WDR35: variants seen among roughly 807,000 people sequenced by gnomAD.
WDR35 encodes the protein WD repeat domain 35.
In WDR35, 118 loss-of-function variants were observed where a neutral mutation model predicts 158.3. The observed-to-expected ratio is 0.75, with a 90% CI of 0.64 to 0.87. The LOEUF (loss-of-function observed/expected upper bound fraction) is 0.87, where lower values mean the gene tolerates loss of function less well. WDR35 is among the 40% of genes least tolerant of loss of function. The pLI is 0.00. For missense variants in WDR35, 1,263 were observed against 1,405.8 expected (o/e 0.90, Z 1.62); for synonymous variants, 448 against 476.1 (o/e 0.94, Z 0.77).
In WDR35 at chr2:19,914,061, G is replaced by A; in HGVS notation, c.3338C>T (p.Pro1113Leu). The change falls in exon 26 of 27, where the codon CCT becomes CTT. Residue 1113 changes from proline (P) to leucine (L), a missense_variant. Transcript: ENST00000281405. The stretch of plus-strand genomic sequence containing the variant: ...CCCTTCCATAAGGCTGTCCAATTCA[G>A]GTTTTCTGTTATCTTTTGAAGTATG... ...TKHTSKDNRK[P>L]ELDSLMEGGE... 4.3e-6 allele frequency: 7 copies of A among 1,614,054 alleles called. No individual in the cohort carries two copies. The highest frequency in any genetic ancestry group is 5.9e-6 in the Non-Finnish European group (7 of 1,179,980).
At chr2:19,962,184 C>T in intron 10 of WDR35, 1 of 1,134,180 alleles carries the variant, frequency 8.8e-7, no homozygotes, top group African/African-American at 1.6e-5. Flanking sequence ...TTCCATTTTT[C>T]CATGAACCTT....
chr2:19,968,448 A>G (rs1402511918), intron 9 of WDR35, among the ~76,000 whole-genome samples: 1 of 152,210 alleles, frequency 6.6e-6, no homozygotes, highest in Non-Finnish European at 1.5e-5. Context: ...TTATTTATTT[A>G]TTCAAATAAT....
intron 8 of WDR35, among the ~76,000 whole-genome samples, chr2:19,969,845 T>C (rs1671980810): frequency 6.6e-6 from 1 of 151,924 alleles, no homozygotes; most frequent in African/African-American, 2.4e-5. Flanking sequence ...CCTCCCAGGT[T>C]CACGCCATTC....
Position 19,938,388 on chromosome 2 carries a change from G to A in WDR35, c.1940C>T (p.Pro647Leu). 1 of 1,613,766 alleles carries A rather than the reference G, an allele frequency of 6.2e-7. No individual in the cohort carries two copies. Among genetic ancestry groups the A allele is most frequent in the South Asian group, 1.1e-5 (1 of 91,050 alleles). Residue 647 changes from proline (P) to leucine (L), a missense_variant, in exon 18 of 27, where the codon CCA becomes CTA. Transcript: ENST00000281405. ...LDEILKDPEH[P>L]NKDYLINFEI... is the part of the protein sequence containing the mutation. ...AAAGTTAATTAGGTAATCCTTGTTT[G>A]GATGTTCTGGATCCTAAAAGTAAAG...
At chr2:19,985,425 A>C (rs187310469) in intron 2 of WDR35, among the ~76,000 whole-genome samples, 19 of 138,758 alleles carry the variant, frequency 1.4e-4, no homozygotes, top group African/African-American at 2.4e-4. Context: ...ACCCTACCAC[A>C]AGCAGCTCCA....
intron 25 of WDR35, among the ~76,000 whole-genome samples, chr2:19,920,325 T>G (rs1216804762): frequency 6.6e-6 from 1 of 151,786 alleles, no homozygotes; most frequent in Non-Finnish European, 1.5e-5. Flanking sequence ...TATGAGAAAA[T>G]CCTCAATAAA....
rs942610588 is a variant in WDR35 at position 19,941,696 on chromosome 2, C to T, written c.1926+63G>A. 2.4e-5 allele frequency: 29 copies of T among 1,229,042 alleles called. No individual in the cohort carries two copies. In the African/African-American group the frequency reaches 2.8e-4, roughly 12 times the overall value. The allele number at this position is 1,229,042 out of a possible 1,614,324, so 76.1% of individuals were successfully genotyped here. A position where few individuals can be genotyped will look rare whatever the true frequency, so the allele number is the denominator to read the frequency against. ...CACACTGCTAACCAGGATACTACAC[C>T]GCCTGGTCCAGAAATAATCCCCTGT... On this transcript the variant is annotated intron_variant, in intron 17 of 26. Coordinates refer to ENST00000281405, the MANE Select transcript of WDR35 (RefSeq NM_020779.4).
At chr2:19,987,761 T>C (rs1672614428) in intron 2 of WDR35, among the ~76,000 whole-genome samples, 1 of 147,660 alleles carries the variant, frequency 6.8e-6, no homozygotes, top group Non-Finnish European at 1.5e-5. Flanking sequence ...GAGGCGGAGC[T>C]TGCAATGAGC....
chr2:19,935,245 GATC>G, intron 21 of WDR35: 1 of 387,120 alleles, frequency 2.6e-6, no homozygotes, highest in Non-Finnish European at 4.5e-6. Context: ...ACAAGACTGT[GATC>G]ATATTAAAGT....
intron 24 of WDR35, 32 bp downstream of exon 24, chr2:19,931,237 A>G (rs373090938): frequency 6.7e-5 from 108 of 1,607,884 alleles, no homozygotes; most frequent in Non-Finnish European, 7.7e-5. Flanking sequence ...AACACTTCCA[A>G]TGATGTAATG....
intron 15 of WDR35, 24 bp downstream of exon 15, chr2:19,946,437 C>T (rs376875435): frequency 7.0e-6 from 11 of 1,575,958 alleles, no homozygotes; most frequent in African/African-American, 6.8e-5. Context: ...CTAACATCTA[C>T]ATGAGCAGAG....
rs74385826 is a variant in WDR35, at chr2:19,966,865, A to G, written c.1053T>C (p.Pro351=). ...SNTVVYAYTR[P]DRPEYCVVFW... ...AGACAACACAATATTCTGGACGATC[A>G]GGTCTGGTATATGCATAAACTACAG... Residue 351 remains proline, a synonymous_variant, in exon 10 of 27, where the codon CCT becomes CCC. Coordinates refer to ENST00000281405, the MANE Select transcript of WDR35 (RefSeq NM_020779.4). 8.9e-5 allele frequency: 143 copies of G among 1,613,946 alleles called. No homozygotes were observed. The East Asian group carries it at 2.8e-3, about 32-fold the overall frequency.
At chr2:19,917,279 A>G (rs1413208257) in intron 25 of WDR35, among the ~76,000 whole-genome samples, 4 of 152,230 alleles carry the variant, frequency 2.6e-5, no homozygotes, top group Non-Finnish European at 5.9e-5. Context: ...ATCCATGAAG[A>G]TGGGGAGAAA....
chr2:19,949,344 G>C (rs188801872), intron 13 of WDR35, among the ~76,000 whole-genome samples: 1 of 152,260 alleles, frequency 6.6e-6, no homozygotes, highest in African/African-American at 2.4e-5. Flanking sequence ...CTTACAGAAA[G>C]CTTGTAATTG....
At chr2:19,920,103 A>G (rs1670123459) in intron 25 of WDR35, among the ~76,000 whole-genome samples, 1 of 152,212 alleles carries the variant, frequency 6.6e-6, no homozygotes, top group Non-Finnish European at 1.5e-5. Context: ...CCACCAACCA[A>G]AAAAAGTCCA....
At chr2:19,929,885 T>G (rs1378300593) in intron 25 of WDR35, among the ~76,000 whole-genome samples, 2 of 152,216 alleles carry the variant, frequency 1.3e-5, no homozygotes, top group East Asian at 3.9e-4. Flanking sequence ...TAGCTAAGTA[T>G]CACTTTTATA....
intron 25 of WDR35, among the ~76,000 whole-genome samples, chr2:19,922,827 C>T (rs1670219393): frequency 6.6e-6 from 1 of 152,180 alleles, no homozygotes; most frequent in Admixed American, 6.5e-5. Flanking sequence ...AGCACTGTGA[C>T]AGGTTCATGA....
chr2:19,976,747 C>G (rs1308844904), intron 5 of WDR35, among the ~76,000 whole-genome samples: 1 of 150,774 alleles, frequency 6.6e-6, no homozygotes, highest in African/African-American at 2.4e-5. Context: ...TGCCATTAGC[C>G]CATATACTCC....
At chr2:19,960,800 A>C (rs1384927600) in intron 10 of WDR35, among the ~76,000 whole-genome samples, 186 bp from the exon 11 acceptor site, 1 of 152,228 alleles carries the variant, frequency 6.6e-6, no homozygotes, top group Non-Finnish European at 1.5e-5. Flanking sequence ...ATATAAAGAA[A>C]GATCAGTTAA....
Sources: gnomAD v4.1 joint callset for allele counts (sites outside exome capture counted in the v4.1 genomes callset) on GRCh38, gnomAD v4.1.1 for gene constraint, MANE v1.5 for transcripts, NCBI Gene and HGNC (gene_info 2026-07-23, HGNC 2026-07-21) for gene names.